Variants in CD109 observed in about 807,000 individuals in gnomAD.
CD109 encodes CD109 molecule, also known as CD109 antigen.
Under a neutral mutation model 165.8 loss-of-function variants are expected in CD109, and 149 were observed. The observed-to-expected ratio is 0.90, with a 90% CI of 0.79 to 1.03. The LOEUF (loss-of-function observed/expected upper bound fraction) is 1.03. CD109 is among the 50% of genes least tolerant of loss of function. The probability of loss-of-function intolerance (pLI) is 0.00; values close to 1 mark genes in which losing one functional copy is unlikely to be tolerated. For synonymous variants in CD109, 585 were observed against 592.1 expected (o/e 0.99, Z 0.18); for missense variants, 1,712 against 1,677.8 (o/e 1.02, Z -0.36).
In CD109 at chr6:73,771,592, C is replaced by G; in HGVS notation, c.1827+11C>G. The G allele has an allele frequency of 6.6e-7, 1 of 1,521,182 alleles. No individual in the cohort carries two copies. The highest frequency in any genetic ancestry group is 2.4e-5 in the East Asian group (1 of 41,274). 94.2% of individuals were successfully genotyped at this position (1,521,182 alleles called of 1,614,324 possible). On this transcript the variant is annotated intron_variant, in intron 15 of 32. Transcript: ENST00000287097. ...ATTACAATGGAAAATGTGAGTTTAG[C>G]TATTTTTTCATTATGAAAATATGTA...
chr6:73,809,860 T>C (rs959847871), intron 26 of CD109, 124 bp from the exon 27 acceptor site: 6 of 633,556 alleles, frequency 9.5e-6, no homozygotes, highest in Middle Eastern at 7.4e-4. Context: ...AATAAATACA[T>C]GTATACAAGT....
intron 6 of CD109, among the ~76,000 whole-genome samples, chr6:73,757,989 G>A (rs756822291): frequency 8.6e-5 from 13 of 151,864 alleles, no homozygotes; most frequent in Non-Finnish European, 1.9e-4. Context: ...GTGGAGGTGG[G>A]GAATTGATTG....
intron 15 of CD109, among the ~76,000 whole-genome samples, chr6:73,777,634 T>C (rs1180100978): frequency 6.6e-6 from 1 of 152,234 alleles, no homozygotes; most frequent in Non-Finnish European, 1.5e-5. Flanking sequence ...TGCATATGGC[T>C]AGCCAGCTCT....
At chr6:73,686,184 A>C in the CD109 span, among the ~76,000 whole-genome samples, 125 of 152,278 alleles carry the variant, frequency 8.2e-4, no homozygotes, top group African/African-American at 2.8e-3. Flanking sequence ...TAGGTGCTGT[A>C]ATCTCTCACC....
intron 23 of CD109, among the ~76,000 whole-genome samples, chr6:73,802,305 A>ATTTTTTT (rs71542232): frequency 1.7e-4 from 8 of 47,606 alleles, no homozygotes; most frequent in African/African-American, 6.0e-4. Flanking sequence ...ATATATATAT[A>ATTTTTTT]TTTTTTTTTT....
At position 73,808,068 on chromosome 6, in the gene CD109, T is replaced by A. The variant is rs912509126; in HGVS notation, c.3190-15T>A. The A allele has an allele frequency of 6.2e-7, 1 of 1,608,886 alleles. No homozygotes were observed. Among genetic ancestry groups the A allele is most frequent in the African/African-American group, 1.3e-5 (1 of 74,668 alleles). The stretch of plus-strand genomic sequence containing the variant: ...TTACTCTGAATAGTAAAAAACATAC[T>A]TTTTTTCTTCCAAGCCTAACATTGA... On this transcript the variant is annotated splice_polypyrimidine_tract_variant and intron_variant, in intron 25 of 32. Transcript: ENST00000287097.
chr6:73,681,082 C>A, the CD109 span, among the ~76,000 whole-genome samples: 5 of 152,150 alleles, frequency 3.3e-5, no homozygotes, highest in African/African-American at 1.2e-4. Flanking sequence ...ATCTGCAGTG[C>A]TCCCTCGTAA....
upstream of CD109, among the ~76,000 whole-genome samples, chr6:73,690,915 G>A (rs1026926037): frequency 6.6e-6 from 1 of 152,148 alleles, no homozygotes; most frequent in Admixed American, 6.5e-5. Context: ...CTGGGTAGTG[G>A]TAAGACTGTA....
Position 73,805,539 on chromosome 6 carries a change from T to C in CD109, c.2961-1305T>C, listed in dbSNP as rs184012651. Among the ~76,000 whole-genome samples the C allele has an allele frequency of 5.6e-4, 85 of 152,340 alleles. 1 individual carries two copies. Among genetic ancestry groups the C allele is most frequent in the African/African-American group, 2.0e-3 (82 of 41,584 alleles). On this transcript the variant is annotated intron_variant, in intron 24 of 32. Transcript: ENST00000287097. ...CTCAACTGCAAAGAGGTGTTCCTTC[T>C]GCTTATACTAATCCTCCTCAGCACA... is the stretch of plus-strand genomic sequence containing the variant.
chr6:73,725,607 C>T (rs1772111102), intron 3 of CD109, among the ~76,000 whole-genome samples: 1 of 148,964 alleles, frequency 6.7e-6, no homozygotes, highest in Admixed American at 6.8e-5. Context: ...TTCCCGGATT[C>T]AAGAGATTCT....
At chr6:73,741,984 T>C (rs2150195293) in intron 5 of CD109, among the ~76,000 whole-genome samples, 1 of 152,310 alleles carries the variant, frequency 6.6e-6, no homozygotes, top group South Asian at 2.1e-4. Context: ...AAATGGTTTT[T>C]CCCTCCATTT....
At position 73,780,041 on chromosome 6, in the gene CD109, G is replaced by T. The variant is rs1476406297; in HGVS notation, c.1828-383G>T. ...GTTTTTTTTTTTTTTTGTAAATTTAGGTCACTGACATTTTGCAGAGTTTAT... is the reference window on the plus strand; with the variant it reads ...GTTTTTTTTTTTTTTTGTAAATTTATGTCACTGACATTTTGCAGAGTTTAT... On this transcript the variant is annotated intron_variant, in intron 15 of 32. Coordinates refer to ENST00000287097, the MANE Select transcript of CD109 (RefSeq NM_133493.5). Among the ~76,000 whole-genome samples, 5 of 144,948 alleles carry T rather than the reference G, an allele frequency of 3.4e-5. No individual in the cohort carries two copies. The East Asian group carries it at 6.0e-4, about 17-fold the overall frequency.
Position 73,822,507 on chromosome 6 carries a change from A to G in CD109, c.4163-951A>G, listed in dbSNP as rs371291491. Among the ~76,000 whole-genome samples the G allele has an allele frequency of 1.1e-4, 16 of 152,336 alleles. No homozygotes were observed. In the South Asian group the frequency reaches 1.5e-3, roughly 14 times the overall value. ...CCCAGGTTCTTGTGGGACATTTGGG[A>G]AACACTGGTGTGGCACTTTTTTTCT... On this transcript the variant is annotated intron_variant, in intron 32 of 32. Transcript: ENST00000287097.
At chr6:73,706,330 A>C (rs1249646727) in intron 2 of CD109, among the ~76,000 whole-genome samples, 1 of 152,132 alleles carries the variant, frequency 6.6e-6, no homozygotes, top group African/African-American at 2.4e-5. Flanking sequence ...GATTGTAGGA[A>C]ATTAGAATAC....
intron 24 of CD109, among the ~76,000 whole-genome samples, 169 bp from the exon 25 acceptor site, chr6:73,806,675 C>T (rs1181374552): frequency 6.6e-6 from 1 of 152,038 alleles, no homozygotes; most frequent in Non-Finnish European, 1.5e-5. Context: ...TTACCTTGTC[C>T]CTTTGCTCTT....
chr6:73,704,519 C>T (rs1771194514), intron 2 of CD109, among the ~76,000 whole-genome samples: 1 of 152,182 alleles, frequency 6.6e-6, no homozygotes, highest in African/African-American at 2.4e-5. Context: ...TCTTTAAACT[C>T]CAAGTTAAAC....
chr6:73,714,500 A>G (rs569292226), intron 2 of CD109, among the ~76,000 whole-genome samples: 1 of 152,282 alleles, frequency 6.6e-6, no homozygotes, highest in Admixed American at 6.5e-5. Context: ...TCCCTTCTGC[A>G]GGTGCTGATC....
intron 5 of CD109, among the ~76,000 whole-genome samples, chr6:73,744,704 T>C (rs1035926828): frequency 3.9e-5 from 6 of 152,232 alleles, no homozygotes; most frequent in Non-Finnish European, 8.8e-5. Context: ...CAAATTTTCA[T>C]GAGGAGTTCT....
At position 73,787,219 on chromosome 6, in the gene CD109, A is replaced by G. The variant is rs1457917410; in HGVS notation, c.2338-15A>G. 1 of 1,545,318 alleles carries G rather than the reference A, an allele frequency of 6.5e-7. No homozygotes were observed. The highest frequency in any genetic ancestry group is 8.9e-7 in the Non-Finnish European group (1 of 1,121,134). On this transcript the variant is annotated splice_polypyrimidine_tract_variant and intron_variant, in intron 20 of 32. Coordinates refer to ENST00000287097, the MANE Select transcript of CD109 (RefSeq NM_133493.5). ...ATCTATTATACAAAAGCTTTGATTT[A>G]TTTTTTTCTTTCAGGTTAAGGTAAT...
Sources: gnomAD v4.1 joint callset for allele counts (sites outside exome capture counted in the v4.1 genomes callset) on GRCh38, gnomAD v4.1.1 for gene constraint, MANE v1.5 for transcripts, NCBI Gene and HGNC (gene_info 2026-07-23, HGNC 2026-07-21) for gene names.